Variants in BDKRB2 observed in about 807,000 individuals in gnomAD.
BDKRB2 encodes the protein B2 bradykinin receptor.
In BDKRB2, 6 loss-of-function variants were observed where a neutral mutation model predicts 4.0. The ratio of observed to expected loss-of-function variants is 1.49; its 90% CI spans 0.81 to 2.93. The LOEUF is 2.93. Ranked by LOEUF, BDKRB2 falls within the 30% of genes most tolerant of loss-of-function variation. The pLI is 0.00. For missense variants in BDKRB2, 478 were observed against 520.1 expected (o/e 0.92, Z 0.79); for synonymous variants, 225 against 215.3 (o/e 1.05, Z -0.40).
chr14:96,220,399 A>G (rs1326968293), intron 1 of BDKRB2, among the ~76,000 whole-genome samples: 1 of 152,140 alleles, frequency 6.6e-6, no homozygotes, highest in African/African-American at 2.4e-5. Flanking sequence ...TATCCACACC[A>G]TGACACATAG....
intron 1 of BDKRB2, among the ~76,000 whole-genome samples, chr14:96,234,348 T>C (rs544991517): frequency 1.1e-4 from 16 of 152,274 alleles, no homozygotes; most frequent in South Asian, 1.0e-3. Context: ...GCTCCAGGTC[T>C]GGCCAGCATA....
chr14:96,229,159 G>A (rs528740916), intron 1 of BDKRB2, among the ~76,000 whole-genome samples: 1 of 152,252 alleles, frequency 6.6e-6, no homozygotes, highest in South Asian at 2.1e-4. Flanking sequence ...TAGGTGTCAG[G>A]CACTTGACAG....
rs772009524 is a variant in BDKRB2, at chr14:96,240,678, T to C, written c.350T>C (p.Ile117Thr). ...GGGCTGCCCTTCTGGGCCATCACCA[T>C]CTCCAACAACTTCGACTGGCTCTTT... ...ACGLPFWAIT[I>T]SNNFDWLFGE... Residue 117 changes from isoleucine to threonine, a missense_variant, in exon 3 of 3, where the codon ATC (isoleucine) becomes ACC (threonine). Coordinates refer to ENST00000554311, the MANE Select transcript of BDKRB2 (RefSeq NM_001379692.1). 2.4e-5 allele frequency: 38 copies of C among 1,592,330 alleles called. No individual in the cohort carries two copies. Among genetic ancestry groups the C allele is most frequent in the East Asian group, 2.2e-5 (1 of 44,812 alleles).
intron 1 of BDKRB2, among the ~76,000 whole-genome samples, chr14:96,229,983 A>G (rs911346308): frequency 1.3e-5 from 2 of 151,850 alleles, no homozygotes; most frequent in African/African-American, 4.8e-5. Flanking sequence ...AAAAAAAAAA[A>G]ATTAGCCAGG....
At chr14:96,209,478 C>G (rs1164306867) in intron 1 of BDKRB2, among the ~76,000 whole-genome samples, 1 of 152,144 alleles carries the variant, frequency 6.6e-6, no homozygotes, top group South Asian at 2.1e-4. Context: ...GCCCATGCTT[C>G]TTTCAAAGAA....
intron 1 of BDKRB2, among the ~76,000 whole-genome samples, chr14:96,236,548 G>C (rs917728268): frequency 6.6e-6 from 1 of 152,134 alleles, no homozygotes; most frequent in African/African-American, 2.4e-5. Context: ...AAACTCCTCT[G>C]GAATCCAGTC....
intron 1 of BDKRB2, among the ~76,000 whole-genome samples, chr14:96,228,028 C>T (rs975613337): frequency 5.9e-5 from 9 of 152,230 alleles, no homozygotes; most frequent in South Asian, 2.1e-4. Flanking sequence ...GCCACAGCAT[C>T]CCCTCCAAGA....
intron 1 of BDKRB2, among the ~76,000 whole-genome samples, chr14:96,230,108 T>A (rs1326649922): frequency 6.6e-6 from 1 of 151,550 alleles, no homozygotes; most frequent in Non-Finnish European, 1.5e-5. Flanking sequence ...CACTCCAGCC[T>A]GGGCTACAGA....
intron 1 of BDKRB2, chr14:96,210,732 C>T (rs1890283986): frequency 6.6e-6 from 1 of 152,210 alleles, no homozygotes. Flanking sequence ...GACTCAGTCT[C>T]CAGGCTTAAC....
At position 96,240,715 on chromosome 14, in the gene BDKRB2, C is replaced by G. The variant is rs186082565; in HGVS notation, c.387C>G (p.Leu129=). 6 of 1,601,812 alleles carry G rather than the reference C, an allele frequency of 3.7e-6. No individual in the cohort carries two copies. In the African/African-American group the frequency reaches 4.0e-5, roughly 11 times the overall value. Residue 129 remains leucine, a synonymous_variant, in exon 3 of 3, where the codon CTC becomes CTG. Transcript: ENST00000554311. ...NNFDWLFGET[L]CRVVNAIISM... ...TCGACTGGCTCTTTGGGGAGACGCT[C>G]TGCCGCGTGGTGAATGCCATTATCT...
chr14:96,231,036 G>A (rs1420313175), intron 1 of BDKRB2, among the ~76,000 whole-genome samples: 1 of 152,108 alleles, frequency 6.6e-6, no homozygotes, highest in Admixed American at 6.6e-5. Flanking sequence ...AGCCCAGTTT[G>A]GGGAAAGAAA....
chr14:96,227,230 A>G (rs1890716747), intron 1 of BDKRB2, among the ~76,000 whole-genome samples: 1 of 152,230 alleles, frequency 6.6e-6, no homozygotes. Context: ...GGGAAAGGAA[A>G]CACTGGCATT....
At chr14:96,227,628 CAT>C (rs762710061) in intron 1 of BDKRB2, among the ~76,000 whole-genome samples, 60 of 151,880 alleles carry the variant, frequency 4.0e-4, no homozygotes, top group Middle Eastern at 3.4e-3. Flanking sequence ...AACACACACA[CAT>C]ATATACACAC....
intron 1 of BDKRB2, among the ~76,000 whole-genome samples, chr14:96,207,351 A>G (rs1351667929): frequency 2.0e-4 from 30 of 152,256 alleles, no homozygotes; most frequent in Admixed American, 2.0e-3. Context: ...GCTACTCTGA[A>G]AAGGCATATG....
chr14:96,206,754 C>T (rs748681093), intron 1 of BDKRB2, among the ~76,000 whole-genome samples: 13 of 152,040 alleles, frequency 8.6e-5, no homozygotes, highest in Non-Finnish European at 1.6e-4. Flanking sequence ...CACCTGGGCG[C>T]GGTGGGGGGA....
At chr14:96,223,702 G>A (rs985905903) in intron 1 of BDKRB2, among the ~76,000 whole-genome samples, 1 of 151,952 alleles carries the variant, frequency 6.6e-6, no homozygotes, top group African/African-American at 2.4e-5. Context: ...TTCCTGCCTG[G>A]TGTTGTATGT....
At chr14:96,216,359 G>A (rs1298658571) in intron 1 of BDKRB2, among the ~76,000 whole-genome samples, 1 of 152,080 alleles carries the variant, frequency 6.6e-6, no homozygotes, top group African/African-American at 2.4e-5. Context: ...GGCCAGGCAT[G>A]GTAGCTCATG....
chr14:96,227,030 C>T lies in BDKRB2; in HGVS notation c.-39-10039C>T, dbSNP rs552403169. Reference sequence around the variant, plus strand: ...CCCTAAAAGCCACTCCAGCAAGAGACAGGCAAAGCCCGGGCTCTTGCTCCA... The same window carrying T: ...CCCTAAAAGCCACTCCAGCAAGAGATAGGCAAAGCCCGGGCTCTTGCTCCA... On this transcript the variant is annotated intron_variant, in intron 1 of 2. Transcript: ENST00000554311. Among the ~76,000 whole-genome samples, 6 of 152,318 alleles carry T rather than the reference C, an allele frequency of 3.9e-5. No individual in the cohort carries two copies. The East Asian group carries it at 1.2e-3, about 29-fold the overall frequency.
chr14:96,217,723 C>T (rs112999717), intron 1 of BDKRB2, among the ~76,000 whole-genome samples: 2,891 of 151,756 alleles, frequency 0.019, 33 homozygotes, highest in Non-Finnish European at 0.032. Context: ...AGCCAGAGCA[C>T]CTGTCTTGGG....
Sources: allele counts gnomAD v4.1 joint callset (sites outside exome capture counted in the v4.1 genomes callset), GRCh38; gene constraint gnomAD v4.1.1; transcripts MANE v1.5; gene names NCBI Gene and HGNC (gene_info 2026-07-23, HGNC 2026-07-21).